Variants in NDRG2 observed in about 807,000 individuals in gnomAD.
NDRG2 encodes the protein protein NDRG2.
Under a neutral mutation model 58.2 loss-of-function variants are expected in NDRG2, and 34 were observed. The ratio of observed to expected loss-of-function variants is 0.58; its 90% confidence interval spans 0.44 to 0.78. The LOEUF is 0.78. Among genes scored for constraint, NDRG2 ranks in the 30% least tolerant of loss-of-function variants. The pLI is 0.00. For synonymous variants in NDRG2, 187 were observed against 175.9 expected (o/e 1.06, Z -0.50); for missense variants, 434 against 471.2 (o/e 0.92, Z 0.73).
rs115392620 is a variant in NDRG2, at chr14:21,068,931, C to T, written c.24+1897G>A. Among the ~76,000 whole-genome samples the T allele has an allele frequency of 9.6e-3, 1,468 of 152,314 alleles. 22 individuals carry two copies. The highest frequency in any genetic ancestry group is 0.033 in the African/African-American group (1,380 of 41,556). ...AAGAGCAAGTCACCTTGGCGGCACC[C>T]CCGCCTCCCCTCCCGCTGTTCCAAC... On this transcript the variant is annotated intron_variant, in intron 1 of 14. Coordinates refer to the NDRG2 transcript ENST00000403829.
chr14:21,031,968 A>T (rs1884219767), intron 1 of NDRG2: 1 of 1,614,062 alleles, frequency 6.2e-7, no homozygotes, highest in Non-Finnish European at 8.5e-7. Context: ...GAGCGCTTTG[A>T]TGAGAGTGGC....
At chr14:21,017,927 T>C in intron 15 of NDRG2, 60 bp downstream of exon 15, 1 of 1,613,602 alleles carries the variant, frequency 6.2e-7, no homozygotes, top group Non-Finnish European at 8.5e-7. Context: ...CCTAAAACGG[T>C]TCCACCCCGT....
In NDRG2 at chr14:21,024,802, T is replaced by C; in HGVS notation, c.-779A>G. Reference sequence around the variant, plus strand: ...CCGCGTGGAGACTGACACCCTTGCGTGGCCGGTGCCAAGCGCCCCGGACCT... The same window carrying C: ...CCGCGTGGAGACTGACACCCTTGCGCGGCCGGTGCCAAGCGCCCCGGACCT... On this transcript the variant is annotated 5_prime_UTR_variant, in exon 1 of 16. Coordinates refer to ENST00000556147, the MANE Select transcript of NDRG2 (RefSeq NM_001320329.2). The C allele has an allele frequency of 2.0e-6, 2 of 985,710 alleles. No individual in the cohort carries two copies. The highest frequency in any genetic ancestry group is 2.4e-6 in the Non-Finnish European group (2 of 830,148). 61.1% of individuals were successfully genotyped at this position (985,710 alleles called of 1,614,324 possible). A position where few individuals can be genotyped will look rare whatever the true frequency, so the allele number is the denominator to read the frequency against.
chr14:21,064,865 C>T (rs983320920), intron 1 of NDRG2, among the ~76,000 whole-genome samples: 13 of 152,200 alleles, frequency 8.5e-5, no homozygotes, highest in African/African-American at 2.7e-4. Context: ...TGATGGTCCA[C>T]ATCTGTCTTA....
At position 21,017,450 on chromosome 14, in the gene NDRG2, G is replaced by C; in HGVS notation, c.*146C>G. On this transcript the variant is annotated 3_prime_UTR_variant, in exon 16 of 16. Transcript: ENST00000556147. ...AATCACGGGTTAAAGGTCAAGGTTA[G>C]GGTAGCAATCAAAGATCAAGGTCAT... 1.1e-6 allele frequency: 1 copy of C among 893,204 alleles called. No homozygotes were observed. The allele number at this position is 893,204 out of a possible 1,614,324, so 55.3% of individuals were successfully genotyped here.
At chr14:21,031,101 A>G (rs1884078626) in intron 1 of NDRG2, 1 of 1,614,212 alleles carries the variant, frequency 6.2e-7, no homozygotes, top group Non-Finnish European at 8.5e-7. Context: ...AAGAGTCCAG[A>G]TGAAGTCCTG....
chr14:21,023,884 C>A, intron 1 of NDRG2, 146 bp downstream of exon 1: 1 of 802,070 alleles, frequency 1.2e-6, no homozygotes, highest in Non-Finnish European at 1.5e-6. Context: ...ATCTGTCCAA[C>A]CAACCCAATG....
intron 12 of NDRG2, 68 bp downstream of exon 12, chr14:21,018,695 T>C: frequency 2.5e-6 from 4 of 1,608,704 alleles, no homozygotes; most frequent in East Asian, 2.2e-5. Context: ...CTTGGCAAGA[T>C]ACTCTTCTGA....
chr14:21,044,378 G>A (rs916829833), intron 1 of NDRG2: 4 of 152,622 alleles, frequency 2.6e-5, no homozygotes, highest in African/African-American at 9.7e-5. Flanking sequence ...AAGACATAAG[G>A]TAAAGGGAGT....
At chr14:21,032,207 A>C in intron 1 of NDRG2, 1 of 963,486 alleles carries the variant, frequency 1.0e-6, no homozygotes, top group Non-Finnish European at 1.6e-6. Context: ...TGAGCCTACT[A>C]GTGTAGAGAG....
rs34429026 is a variant in NDRG2 at position 21,043,411 on chromosome 14, A to C, written c.25-20090T>G. On this transcript the variant is annotated intron_variant, in intron 1 of 14. Coordinates refer to the NDRG2 transcript ENST00000403829. Reference sequence around the variant, plus strand: ...GTGGCCTGTAAGCCTCCCCAGAAAAAGGACTCTCAGCAATTCCACCTGGTT... The same window carrying C: ...GTGGCCTGTAAGCCTCCCCAGAAAACGGACTCTCAGCAATTCCACCTGGTT... 3,053 of 1,611,432 alleles carry C rather than the reference A, an allele frequency of 1.9e-3. 4 individuals carry two copies. Among genetic ancestry groups the C allele is most frequent in the Non-Finnish European group, 2.4e-3 (2,828 of 1,179,022 alleles).
intron 3 of NDRG2, 21 bp downstream of exon 3, chr14:21,022,843 G>A: frequency 6.2e-7 from 1 of 1,612,460 alleles, no homozygotes; most frequent in Non-Finnish European, 8.5e-7. Flanking sequence ...TCCCACCTTG[G>A]GACTGCCCCC....
At chr14:21,030,723 A>G, upstream of NDRG2, 1 of 1,614,194 alleles carries the variant, frequency 6.2e-7, no homozygotes. Flanking sequence ...AGTCACCTCC[A>G]CGGACGTGGA....
At chr14:21,030,360 G>A (rs1594473093), upstream of NDRG2, 2 of 558,656 alleles carry the variant, frequency 3.6e-6, no homozygotes, top group East Asian at 6.0e-5. Context: ...GATCCACACT[G>A]GTATCTCCAA....
At chr14:21,029,903 C>T (rs1362825230), upstream of NDRG2, among the ~76,000 whole-genome samples, 2 of 152,156 alleles carry the variant, frequency 1.3e-5, no homozygotes, top group Admixed American at 6.5e-5. Flanking sequence ...TTATAAGCCA[C>T]CCAGTTTGAT....
Position 21,070,839 on chromosome 14 carries a change from C to T in NDRG2, c.13G>A (p.Gly5Ser). ...TCATGAGAACTGACCTGCATGGAACCACCATTTTCCATCCCTGTCCCCAAC... is the reference window on the plus strand; with the variant it reads ...TCATGAGAACTGACCTGCATGGAACTACCATTTTCCATCCCTGTCCCCAAC... Residue 5 changes from glycine to serine, a missense_variant, in exon 1 of 15, where the codon GGT becomes AGT. Physicochemically the swap from Gly to Ser is moderately conservative, Grantham distance 56. Coordinates refer to the NDRG2 transcript ENST00000403829. This position sits in a 1 kb window ranked among gnomAD's most constrained non-coding sequence, Gnocchi z 4.7. 1 of 1,535,622 alleles carries T rather than the reference C, an allele frequency of 6.5e-7. No homozygotes were observed. Among genetic ancestry groups the T allele is most frequent in the Non-Finnish European group, 8.7e-7 (1 of 1,146,834 alleles).
In NDRG2 at chr14:21,017,369, T is replaced by C. The variant is rs1877311418; in HGVS notation, c.*227A>G. 5 of 587,376 alleles carry C rather than the reference T, an allele frequency of 8.5e-6. No homozygotes were observed. Among genetic ancestry groups the C allele is most frequent in the Middle Eastern group, 4.6e-4 (1 of 2,160 alleles). 36.4% of individuals were successfully genotyped at this position (587,376 alleles called of 1,614,324 possible). A position where few individuals can be genotyped will look rare whatever the true frequency, so the allele number is the denominator to read the frequency against. On this transcript the variant is annotated 3_prime_UTR_variant, in exon 16 of 16. Coordinates refer to ENST00000556147, the MANE Select transcript of NDRG2 (RefSeq NM_001320329.2). ...ACATCAAAATGGGGGAGGAGGAGAA[T>C]TTAGGGGTCTGGGTCCCTAAGAGAT...
In NDRG2 at chr14:21,018,569, C is replaced by T. The variant is rs1878239977; in HGVS notation, c.814-65G>A. ...ACTGTGGCGCCTCCCCCGTAAGGGA[C>T]CCAGGAACCCAGACCCCAGTCCCTT... is the stretch of plus-strand genomic sequence containing the variant. On this transcript the variant is annotated intron_variant, in intron 12 of 15. Transcript: ENST00000556147. 3 of 1,584,352 alleles carry T rather than the reference C, an allele frequency of 1.9e-6. No individual in the cohort carries two copies. In the Admixed American group the frequency reaches 5.4e-5, roughly 29 times the overall value.
rs1407921058 is a variant in NDRG2, at chr14:21,017,588, A to G, written c.*8T>C. 7 of 1,612,412 alleles carry G rather than the reference A, an allele frequency of 4.3e-6. No individual in the cohort carries two copies. The highest frequency in any genetic ancestry group is 5.9e-6 in the Non-Finnish European group (7 of 1,179,208). ...GGCTGGGTCCCACTCTAGGGCAACA[A>G]GGGCCATTCAACAGGAGACCTCCAT... On this transcript the variant is annotated 3_prime_UTR_variant, in exon 16 of 16. Coordinates refer to ENST00000556147, the MANE Select transcript of NDRG2 (RefSeq NM_001320329.2).
Sources: allele counts gnomAD v4.1 joint callset (sites outside exome capture counted in the v4.1 genomes callset), GRCh38; gene constraint gnomAD v4.1.1; non-coding constraint Gnocchi (gnomAD v3.1); transcripts MANE v1.5; gene names NCBI Gene and HGNC (gene_info 2026-07-23, HGNC 2026-07-21).